The following GALNT17 variants were observed in gnomAD, a reference collection of about 807,000 sequenced individuals.
The protein encoded by GALNT17 is polypeptide N-acetylgalactosaminyltransferase 17, also known as UDP-GalNAc:polypeptide N-acetylgalactosaminyltransferase-like 3.
A neutral mutation model predicts 63.7 loss-of-function variants in GALNT17; 29 were observed. That is an observed-to-expected ratio of 0.46 (90% CI 0.34 to 0.62). GALNT17 has a LOEUF of 0.62. Ranked by LOEUF, GALNT17 falls within the 20% of genes least tolerant of loss-of-function variation. GALNT17 has a pLI of 0.01. For missense variants in GALNT17, 603 were observed against 799.6 expected (o/e 0.75, Z 2.97); for synonymous variants, 305 against 318.3 (o/e 0.96, Z 0.45).
Position 71,212,494 on chromosome 7 carries a change from C to T in GALNT17, c.238+79454C>T, listed in dbSNP as rs1341299003. On this transcript the variant is annotated intron_variant, in intron 1 of 10. Coordinates refer to ENST00000333538, the MANE Select transcript of GALNT17 (RefSeq NM_022479.3). ...ACACAGAGTCCCTACTGGGGCACTG[C>T]CTAGTGGAGCTCTGAGAAGAGGGCC... Among the ~76,000 whole-genome samples, 2 of 152,324 alleles carry T rather than the reference C, an allele frequency of 1.3e-5. 1 individual carries two copies. The highest frequency in any genetic ancestry group is 3.9e-4 in the East Asian group (2 of 5,168).
At chr7:71,318,536 C>T (rs1461109543) in intron 1 of GALNT17, among the ~76,000 whole-genome samples, 1 of 151,876 alleles carries the variant, frequency 6.6e-6, no homozygotes, top group East Asian at 1.9e-4. Context: ...TCTCCTGCCT[C>T]AGCCTCCCGA....
chr7:71,366,549 C>T (rs1470693189), intron 2 of GALNT17, among the ~76,000 whole-genome samples: 1 of 151,908 alleles, frequency 6.6e-6, no homozygotes, highest in South Asian at 2.1e-4. Context: ...CCATTGCACT[C>T]CAGCCTGGCG....
At chr7:71,387,306 TC>T (rs1792963794) in intron 2 of GALNT17, among the ~76,000 whole-genome samples, 1 of 150,430 alleles carries the variant, frequency 6.6e-6, no homozygotes, top group African/African-American at 2.4e-5. Flanking sequence ...ACCTAATACA[TC>T]AGTTCCTGGT....
intron 1 of GALNT17, among the ~76,000 whole-genome samples, chr7:71,141,840 CTGTGTGTGTGTGTGTG>C (rs34121771): frequency 2.6e-4 from 32 of 125,116 alleles, no homozygotes; most frequent in African/African-American, 2.8e-4. Context: ...CCACGTCTGG[CTGTGTGTGTGTGTGTG>C]TGTGTGTGTG....
intron 1 of GALNT17, among the ~76,000 whole-genome samples, chr7:71,166,092 T>A (rs189047829): frequency 6.6e-6 from 1 of 152,368 alleles, no homozygotes; most frequent in African/African-American, 2.4e-5. Context: ...GCAGAGTTTT[T>A]GTGACTTCAT....
chr7:71,357,583 C>G (rs149667915), intron 2 of GALNT17, among the ~76,000 whole-genome samples: 1 of 152,200 alleles, frequency 6.6e-6, no homozygotes, highest in East Asian at 1.9e-4. Context: ...ACTTTCTTCT[C>G]TCCCAGAAAC....
chr7:71,281,427 C>G (rs1790775306), intron 1 of GALNT17, among the ~76,000 whole-genome samples: 1 of 152,174 alleles, frequency 6.6e-6, no homozygotes, highest in Non-Finnish European at 1.5e-5. Context: ...TAGCCCATTT[C>G]CTGGAATCTG....
intron 2 of GALNT17, among the ~76,000 whole-genome samples, chr7:71,381,745 C>G (rs1792851085): frequency 6.6e-6 from 1 of 152,132 alleles, no homozygotes; most frequent in African/African-American, 2.4e-5. Flanking sequence ...TGCCATGGCA[C>G]TCCAGCCTGG....
chr7:71,367,273 A>G (rs1457443581), intron 2 of GALNT17, among the ~76,000 whole-genome samples: 1 of 152,150 alleles, frequency 6.6e-6, no homozygotes, highest in Non-Finnish European at 1.5e-5. Flanking sequence ...AGTAGGTTCT[A>G]GCTGGGTGTT....
chr7:71,304,844 AG>A, intron 1 of GALNT17, among the ~76,000 whole-genome samples: 1 of 152,164 alleles, frequency 6.6e-6, no homozygotes, highest in Middle Eastern at 3.4e-3. Flanking sequence ...CTTGGGTTCA[AG>A]GGATTCTCCT....
chr7:71,395,748 C>A (rs1466535164), intron 3 of GALNT17, among the ~76,000 whole-genome samples: 2 of 152,134 alleles, frequency 1.3e-5, no homozygotes, highest in African/African-American at 4.8e-5. Flanking sequence ...CCAGTTTCTC[C>A]ACATCCTTGA....
intron 6 of GALNT17, among the ~76,000 whole-genome samples, chr7:71,621,672 T>A (rs958464061): frequency 6.6e-6 from 1 of 152,222 alleles, no homozygotes; most frequent in Admixed American, 6.5e-5. Flanking sequence ...CTAGGCTAGA[T>A]GGATGGATGG....
intron 1 of GALNT17, among the ~76,000 whole-genome samples, chr7:71,261,005 C>A (rs938114035): frequency 1.3e-5 from 2 of 152,204 alleles, no homozygotes; most frequent in African/African-American, 4.8e-5. Flanking sequence ...CACACCGGCT[C>A]ATCCTCCTGA....
chr7:71,439,089 A>G (rs1315911818), intron 5 of GALNT17, among the ~76,000 whole-genome samples: 1 of 151,812 alleles, frequency 6.6e-6, no homozygotes, highest in African/African-American at 2.4e-5. Flanking sequence ...GAGTCTTGCT[A>G]TGTTGCCCTG....
At chr7:71,552,252 C>T (rs1246518271) in intron 5 of GALNT17, among the ~76,000 whole-genome samples, 1 of 151,890 alleles carries the variant, frequency 6.6e-6, no homozygotes, top group African/African-American at 2.4e-5. Context: ...GCCATGTTGG[C>T]CAGGCTGGTC....
chr7:71,606,585 T>G (rs1207710636), intron 6 of GALNT17, among the ~76,000 whole-genome samples: 1 of 152,198 alleles, frequency 6.6e-6, no homozygotes, highest in African/African-American at 2.4e-5. Context: ...AGTAGTCTGA[T>G]TAGACTGTCT....
chr7:71,308,069 G>A (rs962515301), intron 1 of GALNT17, among the ~76,000 whole-genome samples: 1 of 152,062 alleles, frequency 6.6e-6, no homozygotes, highest in African/African-American at 2.4e-5. Flanking sequence ...CTCCGGGTCA[G>A]AGGGGAGTTT....
At chr7:71,261,264 C>T (rs550597919) in intron 1 of GALNT17, among the ~76,000 whole-genome samples, 45 of 152,188 alleles carry the variant, frequency 3.0e-4, no homozygotes, top group Admixed American at 1.3e-3. Flanking sequence ...TGTTCCCTTT[C>T]GGAGCTTAGA....
intron 6 of GALNT17, among the ~76,000 whole-genome samples, chr7:71,606,300 G>A (rs1228224901): frequency 2.6e-5 from 4 of 152,056 alleles, no homozygotes; most frequent in Non-Finnish European, 5.9e-5. Context: ...TTTGAAAAGA[G>A]TGCAACACTC....
Sources: allele counts gnomAD v4.1 joint callset (sites outside exome capture counted in the v4.1 genomes callset), GRCh38; gene constraint gnomAD v4.1.1; transcripts MANE v1.5; gene names NCBI Gene and HGNC (gene_info 2026-07-23, HGNC 2026-07-21).